The following MALRD1 variants were observed in gnomAD, a reference collection of about 807,000 sequenced individuals.
MALRD1 encodes MAM and LDL-receptor class A domain-containing protein 1.
In MALRD1, 247 loss-of-function variants were observed where a neutral mutation model predicts 242.1. The ratio of observed to expected loss-of-function variants is 1.02; its 90% CI spans 0.92 to 1.13. MALRD1 has a LOEUF of 1.13. Ranked by LOEUF, MALRD1 falls within the 50% of genes most tolerant of loss-of-function variation. MALRD1 has a pLI of 0.00. For synonymous variants in MALRD1, 995 were observed against 866.6 expected (o/e 1.15, Z -2.60); for missense variants, 2,989 against 2,533.1 (o/e 1.18, Z -3.86).
At chr10:19,405,647 C>G (rs914215301) in intron 28 of MALRD1, among the ~76,000 whole-genome samples, 3 of 152,086 alleles carry the variant, frequency 2.0e-5, no homozygotes, top group Admixed American at 6.6e-5. Flanking sequence ...TCTTAGAACC[C>G]AGAATATGGC....
chr10:19,637,525 C>T (rs1404032244), intron 36 of MALRD1, among the ~76,000 whole-genome samples: 1 of 152,138 alleles, frequency 6.6e-6, no homozygotes, highest in South Asian at 2.1e-4. Flanking sequence ...CATGTTGACC[C>T]GGCTCCAGAA....
intron 18 of MALRD1, among the ~76,000 whole-genome samples, chr10:19,248,046 T>G (rs1260978857): frequency 6.6e-6 from 1 of 152,014 alleles, no homozygotes; most frequent in Non-Finnish European, 1.5e-5. Context: ...GCTAAGGCCT[T>G]TGCTTTAAAT....
intron 26 of MALRD1, among the ~76,000 whole-genome samples, chr10:19,367,295 C>T (rs576786426): frequency 6.5e-4 from 99 of 152,104 alleles, no homozygotes; most frequent in African/African-American, 2.3e-3. Context: ...CTCTAGTATC[C>T]TCTGTTCTAC....
At chr10:19,210,182 C>A (rs1836986025) in intron 18 of MALRD1, among the ~76,000 whole-genome samples, 1 of 152,172 alleles carries the variant, frequency 6.6e-6, no homozygotes, top group Non-Finnish European at 1.5e-5. Context: ...CTTCAGATTT[C>A]ACCTGCTGTT....
intron 18 of MALRD1, among the ~76,000 whole-genome samples, chr10:19,218,625 G>A (rs376755566): frequency 2.6e-5 from 4 of 152,090 alleles, no homozygotes; most frequent in African/African-American, 7.2e-5. Context: ...GCAGAAAGGA[G>A]TTATTTGGTC....
chr10:19,612,981 C>T (rs1250371962), intron 35 of MALRD1, among the ~76,000 whole-genome samples: 1 of 151,972 alleles, frequency 6.6e-6, no homozygotes, highest in Non-Finnish European at 1.5e-5. Flanking sequence ...TCTCTCATGC[C>T]ACCCTTTCCT....
At chr10:19,526,327 G>A (rs985753565) in intron 31 of MALRD1, among the ~76,000 whole-genome samples, 3 of 142,056 alleles carry the variant, frequency 2.1e-5, no homozygotes, top group Non-Finnish European at 4.6e-5. Context: ...ATTTCAAGAG[G>A]CTAAGCAACT....
chr10:19,601,001 T>A (rs1838314791), intron 34 of MALRD1, among the ~76,000 whole-genome samples: 1 of 151,830 alleles, frequency 6.6e-6, no homozygotes, highest in African/African-American at 2.4e-5. Flanking sequence ...CCCCCCACCT[T>A]AGTCTCCCAA....
At chr10:19,483,800 C>A (rs191738847) in intron 29 of MALRD1, among the ~76,000 whole-genome samples, 2 of 151,972 alleles carry the variant, frequency 1.3e-5, no homozygotes, top group Non-Finnish European at 2.9e-5. Flanking sequence ...AGAAATATTT[C>A]TACTAAAAAA....
intron 24 of MALRD1, among the ~76,000 whole-genome samples, chr10:19,341,992 A>G (rs894664963): frequency 1.3e-5 from 2 of 152,118 alleles, no homozygotes; most frequent in Non-Finnish European, 2.9e-5. Context: ...GTTATGGCAT[A>G]TAACTATATA....
intron 38 of MALRD1, among the ~76,000 whole-genome samples, chr10:19,692,886 T>TATATATATATATAA (rs373717863): frequency 0.043 from 5,890 of 136,726 alleles, 200 homozygotes; most frequent in South Asian, 0.059. Flanking sequence ...TATATATATA[T>TATATATATATATAA]AATTTCATCC....
chr10:19,699,293 A>AGGGAAAGGT (rs1833513885), intron 38 of MALRD1, among the ~76,000 whole-genome samples: 1 of 144,778 alleles, frequency 6.9e-6, no homozygotes, highest in Non-Finnish European at 1.5e-5. Flanking sequence ...GAGGGAAAGG[A>AGGGAAAGGT]GGGAAAGGAG....
chr10:19,451,079 C>T (rs1479808478), intron 29 of MALRD1, among the ~76,000 whole-genome samples: 1 of 152,158 alleles, frequency 6.6e-6, no homozygotes, highest in Non-Finnish European at 1.5e-5. Context: ...ACAAGTAACA[C>T]CTCTCTTCCT....
At position 19,461,291 on chromosome 10, in the gene MALRD1, G is replaced by T. The variant is rs935641917; in HGVS notation, c.5029+10801G>T. Among the ~76,000 whole-genome samples, 5 of 152,164 alleles carry T rather than the reference G, an allele frequency of 3.3e-5. 1 individual carries two copies. Among genetic ancestry groups the T allele is most frequent in the Admixed American group, 3.3e-4 (5 of 15,266 alleles). Reference sequence around the variant, plus strand: ...TGTCTCAGAGGAACTGGGAAATGAAGAGTTTAAAATCGTTGATTAAAAGGT... The same window carrying T: ...TGTCTCAGAGGAACTGGGAAATGAATAGTTTAAAATCGTTGATTAAAAGGT... On this transcript the variant is annotated intron_variant, in intron 29 of 39. Coordinates refer to ENST00000454679, the MANE Select transcript of MALRD1 (RefSeq NM_001142308.3).
At chr10:19,143,302 A>T (rs1333039767) in intron 10 of MALRD1, among the ~76,000 whole-genome samples, 2 of 152,178 alleles carry the variant, frequency 1.3e-5, no homozygotes, top group Non-Finnish European at 2.9e-5. Context: ...AATTATGAAG[A>T]GTCTGGGTGA....
chr10:19,292,628 C>T (rs1841497547), intron 21 of MALRD1, among the ~76,000 whole-genome samples: 2 of 152,058 alleles, frequency 1.3e-5, no homozygotes, highest in South Asian at 4.1e-4. Flanking sequence ...CGGGGTGGTT[C>T]ACGCCTGTAA....
At chr10:19,411,084 A>T (rs911248998) in intron 28 of MALRD1, among the ~76,000 whole-genome samples, 1 of 152,214 alleles carries the variant, frequency 6.6e-6, no homozygotes, top group Non-Finnish European at 1.5e-5. Context: ...GACTTTAAAT[A>T]TCAGGCCATT....
At position 19,567,593 on chromosome 10, in the gene MALRD1, T is replaced by C; in HGVS notation, c.5570T>C (p.Leu1857Pro). 6.4e-7 allele frequency: 1 copy of C among 1,550,596 alleles called. No homozygotes were observed. Among genetic ancestry groups the C allele is most frequent in the South Asian group, 1.2e-5 (1 of 84,064 alleles). ...RTGWTYGSVP[L>P]SSNSPFKVAF... The stretch of plus-strand genomic sequence containing the variant: ...GGATGGACATATGGCTCTGTGCCTC[T>C]CTCCAGTAACAGTCCGTTTAAGGTG... The change falls in exon 33 of 40, where the codon CTC becomes CCC. Residue 1857 changes from leucine to proline, a missense_variant. By Grantham distance (98) the Leu-to-Pro change is moderately conservative. Coordinates refer to ENST00000454679, the MANE Select transcript of MALRD1 (RefSeq NM_001142308.3).
intron 21 of MALRD1, among the ~76,000 whole-genome samples, chr10:19,286,229 A>G (rs921128897): frequency 9.4e-5 from 14 of 149,692 alleles, no homozygotes; most frequent in African/African-American, 3.4e-4. Context: ...TCTTTTCCTA[A>G]TTGAATACCT....
Sources: allele counts gnomAD v4.1 joint callset (sites outside exome capture counted in the v4.1 genomes callset), GRCh38; gene constraint gnomAD v4.1.1; transcripts MANE v1.5; gene names NCBI Gene and HGNC (gene_info 2026-07-23, HGNC 2026-07-21).